OXR1: variants seen among roughly 807,000 people sequenced by gnomAD.
OXR1 encodes oxidation resistance 1, also known as oxidation resistance protein 1.
OXR1 carries 41 observed loss-of-function variants against 104.6 expected under a neutral mutation model. That is an observed-to-expected ratio of 0.39 (90% CI 0.31 to 0.51). OXR1 has a LOEUF of 0.51. Ranked by LOEUF, OXR1 falls within the 20% of genes least tolerant of loss-of-function variation. The pLI, the probability that OXR1 is intolerant of heterozygous loss-of-function variation, is 0.77. For synonymous variants in OXR1, 348 were observed against 348.4 expected (o/e 1.00, Z 0.01); for missense variants, 955 against 1,031.9 (o/e 0.93, Z 1.02).
At chr8:106,577,252 C>G (rs1817906994) in intron 3 of OXR1, among the ~76,000 whole-genome samples, 1 of 151,212 alleles carries the variant, frequency 6.6e-6, no homozygotes, top group Non-Finnish European at 1.5e-5. Context: ...TGTCTGTCGC[C>G]CAGACTGGAA....
chr8:106,706,488 G>A lies in OXR1; in HGVS notation c.967G>A (p.Ala323Thr), dbSNP rs1831156974. 1.9e-6 allele frequency: 3 copies of A among 1,601,834 alleles called. No homozygotes were observed. Among genetic ancestry groups the A allele is most frequent in the East Asian group, 2.2e-5 (1 of 44,798 alleles). Residue 323 changes from alanine to threonine, a missense_variant, in exon 9 of 17, where the codon GCC (alanine) becomes ACC (threonine). Physicochemically the swap from Ala to Thr is moderately conservative, Grantham distance 58. Transcript: ENST00000517566. ...AATCCGAGATGCAGGTAATGATAGT[G>A]CCAGCACTGCTCCTAGGAGCACTGA... ...SRIRDAGNDS[A>T]STAPRSTEES... is the part of the protein sequence containing the mutation.
intron 3 of OXR1, among the ~76,000 whole-genome samples, chr8:106,590,275 T>TTTG (rs537746922): frequency 0.017 from 2,582 of 151,850 alleles, 65 homozygotes; most frequent in African/African-American, 0.044. Context: ...GTTTTTGGTT[T>TTTG]TTGTTGTTGT....
At chr8:106,653,074 A>G (rs1675682918) in intron 3 of OXR1, among the ~76,000 whole-genome samples, 1 of 122,280 alleles carries the variant, frequency 8.2e-6, no homozygotes, top group Non-Finnish European at 1.7e-5. Context: ...AGAAATAGAA[A>G]AAAAAAAAAA....
chr8:106,527,601 A>C (rs1435876784), intron 3 of OXR1, among the ~76,000 whole-genome samples: 1 of 152,156 alleles, frequency 6.6e-6, no homozygotes, highest in Non-Finnish European at 1.5e-5. Flanking sequence ...CTGATTAACT[A>C]TTCATTTGCC....
chr8:106,323,241 G>A (rs1441800132), intron 1 of OXR1, among the ~76,000 whole-genome samples: 3 of 152,028 alleles, frequency 2.0e-5, no homozygotes, highest in Admixed American at 6.6e-5. Context: ...GCACATCTAC[G>A]ACCACTTGAT....
chr8:106,491,665 G>A (rs985027550), intron 2 of OXR1, among the ~76,000 whole-genome samples: 2 of 152,176 alleles, frequency 1.3e-5, no homozygotes, highest in Admixed American at 6.5e-5. Flanking sequence ...CTTCTGCCGG[G>A]TGAGGACCAG....
intron 3 of OXR1, among the ~76,000 whole-genome samples, chr8:106,667,829 G>A (rs930283790): frequency 8.5e-5 from 13 of 152,058 alleles, no homozygotes; most frequent in Non-Finnish European, 1.9e-4. Flanking sequence ...GCCAAGTAAT[G>A]TACATCACTT....
intron 3 of OXR1, among the ~76,000 whole-genome samples, chr8:106,627,686 C>T (rs1432114324): frequency 2.0e-5 from 3 of 152,138 alleles, no homozygotes; most frequent in Admixed American, 1.3e-4. Context: ...TCTTTCATTT[C>T]CAGCAGGAAG....
chr8:106,657,873 G>A (rs1825282565), intron 3 of OXR1: 6 of 1,241,292 alleles, frequency 4.8e-6, no homozygotes, highest in Non-Finnish European at 4.1e-6. Context: ...GAGGCGCGCG[G>A]AGCCGCCTCC....
chr8:106,628,636 C>G (rs1015830242), intron 3 of OXR1, among the ~76,000 whole-genome samples: 3 of 152,080 alleles, frequency 2.0e-5, no homozygotes, highest in African/African-American at 7.2e-5. Context: ...GTTTGCTTTC[C>G]TTGCCCTCCA....
At chr8:106,710,420 C>G (rs1330493802) in intron 9 of OXR1, among the ~76,000 whole-genome samples, 3 of 151,606 alleles carry the variant, frequency 2.0e-5, no homozygotes, top group African/African-American at 7.3e-5. Flanking sequence ...TAACTTGGCT[C>G]TTTTGTTAAG....
chr8:106,322,039 A>G (rs889662663), intron 1 of OXR1, among the ~76,000 whole-genome samples: 1 of 152,234 alleles, frequency 6.6e-6, no homozygotes, highest in African/African-American at 2.4e-5. Context: ...CTGATAACCA[A>G]TATGCCTGAA....
intron 1 of OXR1, among the ~76,000 whole-genome samples, chr8:106,310,490 T>G (rs1813654111): frequency 6.6e-6 from 1 of 152,316 alleles, no homozygotes; most frequent in East Asian, 1.9e-4. Flanking sequence ...GCTTTTCTCC[T>G]GTCTTGGATT....
At chr8:106,601,736 A>G (rs575268241) in intron 3 of OXR1, among the ~76,000 whole-genome samples, 3 of 152,364 alleles carry the variant, frequency 2.0e-5, no homozygotes, top group Admixed American at 2.0e-4. Flanking sequence ...GAATGTGAAC[A>G]TGAATAAGAT....
chr8:106,549,705 T>C (rs1290742444), intron 3 of OXR1, among the ~76,000 whole-genome samples: 1 of 152,190 alleles, frequency 6.6e-6, no homozygotes, highest in African/African-American at 2.4e-5. Context: ...TAGATGACTG[T>C]CTTTTCACAA....
intron 2 of OXR1, among the ~76,000 whole-genome samples, chr8:106,484,575 T>C (rs1161948525): frequency 6.6e-6 from 1 of 152,028 alleles, no homozygotes; most frequent in African/African-American, 2.4e-5. Context: ...AGACGCTTCA[T>C]ATCATATGTC....
At chr8:106,648,715 T>G (rs940354803) in intron 3 of OXR1, among the ~76,000 whole-genome samples, 2 of 152,188 alleles carry the variant, frequency 1.3e-5, no homozygotes, top group Non-Finnish European at 2.9e-5. Context: ...TTCCAGTGAG[T>G]TTTTAGCTCC....
At chr8:106,569,615 TAAAG>T (rs1817329437) in intron 3 of OXR1, among the ~76,000 whole-genome samples, 1 of 152,306 alleles carries the variant, frequency 6.6e-6, no homozygotes, top group South Asian at 2.1e-4. Context: ...TAAATCGGTA[TAAAG>T]AGAGTTCTGT....
intron 3 of OXR1, among the ~76,000 whole-genome samples, chr8:106,560,121 T>G (rs1816573018): frequency 6.6e-6 from 1 of 152,096 alleles, no homozygotes; most frequent in Non-Finnish European, 1.5e-5. Context: ...TATAGTAATA[T>G]GAAGAAATCT....
Sources: allele counts gnomAD v4.1 joint callset (sites outside exome capture counted in the v4.1 genomes callset), GRCh38; gene constraint gnomAD v4.1.1; transcripts MANE v1.5; gene names NCBI Gene and HGNC (gene_info 2026-07-23, HGNC 2026-07-21).